The following OSBPL10 variants were observed in gnomAD, a reference collection of about 807,000 sequenced individuals.
OSBPL10 encodes the protein oxysterol binding protein like 10, also known as oxysterol-binding protein-related protein 10.
A neutral mutation model predicts 81.7 loss-of-function variants in OSBPL10; 49 were observed. The ratio of observed to expected loss-of-function variants is 0.60; its 90% CI spans 0.48 to 0.76. The LOEUF is 0.76. OSBPL10 is among the 30% of genes least tolerant of loss of function. The probability of loss-of-function intolerance (pLI) is 0.00; values close to 1 mark genes in which losing one functional copy is unlikely to be tolerated. For missense variants in OSBPL10, 923 were observed against 987.8 expected (o/e 0.93, Z 0.88); for synonymous variants, 419 against 383.6 (o/e 1.09, Z -1.08).
chr3:32,020,036 A>G (rs1196140733), intron 2 of OSBPL10, among the ~76,000 whole-genome samples: 2 of 152,222 alleles, frequency 1.3e-5, no homozygotes, highest in African/African-American at 4.8e-5. Flanking sequence ...CAATGAGCCT[A>G]CAATGCAAAA....
chr3:31,856,259 A>T (rs866112162), intron 3 of OSBPL10, among the ~76,000 whole-genome samples: 40 of 152,200 alleles, frequency 2.6e-4, no homozygotes, highest in Middle Eastern at 3.4e-3. Context: ...TAAGACAATT[A>T]AAAAAATCCC....
At chr3:32,003,872 A>G (rs1382907049) in intron 2 of OSBPL10, among the ~76,000 whole-genome samples, 1 of 152,256 alleles carries the variant, frequency 6.6e-6, no homozygotes, top group Middle Eastern at 3.4e-3. Flanking sequence ...GGAGGGACAA[A>G]GTAGAAAGTT....
At chr3:31,951,079 C>T (rs1380523881) in intron 1 of OSBPL10, among the ~76,000 whole-genome samples, 2 of 152,160 alleles carry the variant, frequency 1.3e-5, no homozygotes, top group African/African-American at 4.8e-5. Context: ...CGTGTGTGTA[C>T]TGGGAGATAC....
chr3:31,746,324 G>A (rs1007558078), intron 5 of OSBPL10, among the ~76,000 whole-genome samples: 2 of 152,158 alleles, frequency 1.3e-5, no homozygotes, highest in Non-Finnish European at 2.9e-5. Context: ...TCTGTCATCC[G>A]AGAGTCGCTG....
chr3:31,752,867 T>A (rs959677693), intron 4 of OSBPL10, among the ~76,000 whole-genome samples: 2 of 152,116 alleles, frequency 1.3e-5, no homozygotes, highest in African/African-American at 4.8e-5. Flanking sequence ...CCTCCATTAC[T>A]CTCCAAAAGC....
intron 8 of OSBPL10, among the ~76,000 whole-genome samples, chr3:31,676,150 G>A (rs1402201960): frequency 6.6e-6 from 1 of 151,990 alleles, no homozygotes; most frequent in Non-Finnish European, 1.5e-5. Flanking sequence ...GAGCCTCAGA[G>A]CTAAACTGAT....
intron 4 of OSBPL10, among the ~76,000 whole-genome samples, chr3:31,825,260 G>T (rs1460305685): frequency 2.6e-5 from 4 of 152,210 alleles, no homozygotes; most frequent in African/African-American, 9.6e-5. Flanking sequence ...TGGCAATGGA[G>T]GAGACAGACT....
chr3:31,874,973 C>T (rs1421257964), intron 3 of OSBPL10, among the ~76,000 whole-genome samples: 1 of 150,120 alleles, frequency 6.7e-6, no homozygotes, highest in East Asian at 2.0e-4. Flanking sequence ...TAGTAGAAGA[C>T]TTAAATAAAG....
At chr3:31,784,897 G>A (rs560297653) in intron 4 of OSBPL10, among the ~76,000 whole-genome samples, 1 of 97,258 alleles carries the variant, frequency 1.0e-5, no homozygotes, top group East Asian at 3.9e-4. Flanking sequence ...GGGGGGGTGG[G>A]GATACAGGAT....
chr3:32,030,522 G>T, intron 2 of OSBPL10: 1 of 737,038 alleles, frequency 1.4e-6, no homozygotes. Flanking sequence ...TAAAATGCGT[G>T]AAGGAAAATG....
chr3:32,051,320 G>T (rs1699668185), intron 1 of OSBPL10, among the ~76,000 whole-genome samples: 1 of 152,176 alleles, frequency 6.6e-6, no homozygotes, highest in African/African-American at 2.4e-5. Flanking sequence ...GTTCTGTTTT[G>T]CATTGTGTTA....
At chr3:32,071,803 A>T (rs1278056967) in intron 1 of OSBPL10, among the ~76,000 whole-genome samples, 1 of 152,158 alleles carries the variant, frequency 6.6e-6, no homozygotes, top group Non-Finnish European at 1.5e-5. Context: ...CCAGACTTCA[A>T]TCCAGCCTCC....
chr3:31,964,408 C>T (rs1036935593), intron 1 of OSBPL10, among the ~76,000 whole-genome samples: 9 of 152,188 alleles, frequency 5.9e-5, no homozygotes, highest in South Asian at 2.1e-4. Context: ...CTGCCCGCCT[C>T]GGCCTCCCAT....
At chr3:32,048,291 T>C in intron 1 of OSBPL10, among the ~76,000 whole-genome samples, 1 of 146,696 alleles carries the variant, frequency 6.8e-6, no homozygotes, top group Non-Finnish European at 1.5e-5. Flanking sequence ...TACTGTCATC[T>C]CTCCTAGACA....
chr3:31,882,843 T>C (rs1487570455), intron 1 of OSBPL10, among the ~76,000 whole-genome samples: 1 of 152,256 alleles, frequency 6.6e-6, no homozygotes, highest in Non-Finnish European at 1.5e-5. Context: ...GTATCTGTTA[T>C]AGCAGCTGCT....
intron 1 of OSBPL10, among the ~76,000 whole-genome samples, chr3:31,945,350 C>T (rs1379925989): frequency 6.6e-6 from 1 of 152,042 alleles, no homozygotes; most frequent in Non-Finnish European, 1.5e-5. Flanking sequence ...AAAGTCACCA[C>T]AAATATGCTC....
intron 2 of OSBPL10, among the ~76,000 whole-genome samples, chr3:32,009,524 T>G (rs531688902): frequency 1.3e-5 from 2 of 152,322 alleles, no homozygotes; most frequent in African/African-American, 4.8e-5. Flanking sequence ...ATTTCCAAGT[T>G]AAGTGCTTGG....
chr3:31,953,098 AT>A (rs1197944291), intron 1 of OSBPL10, among the ~76,000 whole-genome samples: 5 of 151,068 alleles, frequency 3.3e-5, no homozygotes, highest in Non-Finnish European at 7.4e-5. Context: ...TGCCTGGCTA[AT>A]TTTTTTGTAT....
At chr3:31,938,506 GTTTT>G (rs960368270) in intron 1 of OSBPL10, among the ~76,000 whole-genome samples, 15 of 151,994 alleles carry the variant, frequency 9.9e-5, no homozygotes, top group Admixed American at 9.8e-4. Context: ...TTTTTGTGGG[GTTTT>G]TTGTTTGTTT....
Sources: gnomAD v4.1 joint callset for allele counts (sites outside exome capture counted in the v4.1 genomes callset) on GRCh38, gnomAD v4.1.1 for gene constraint, MANE v1.5 for transcripts, NCBI Gene and HGNC (gene_info 2026-07-23, HGNC 2026-07-21) for gene names.